The following LRRC4C variants were observed in gnomAD, a reference collection of about 807,000 sequenced individuals.
LRRC4C encodes leucine rich repeat containing 4C.
A neutral mutation model predicts 33.6 loss-of-function variants in LRRC4C; 5 were observed. The observed-to-expected ratio is 0.15, with a 90% CI of 0.08 to 0.31. The LOEUF is 0.31. Among genes scored for constraint, LRRC4C ranks in the 10% least tolerant of loss-of-function variants. LRRC4C has a pLI of 1.00. For synonymous variants in LRRC4C, 329 were observed against 302.0 expected (o/e 1.09, Z -0.93); for missense variants, 560 against 796.7 (o/e 0.70, Z 3.58).
At chr11:40,879,849 T>C (rs187842292) in intron 2 of LRRC4C, among the ~76,000 whole-genome samples, 1 of 152,282 alleles carries the variant, frequency 6.6e-6, no homozygotes, top group African/African-American at 2.4e-5. Flanking sequence ...TATTGTTGAT[T>C]GTATTTTCCA....
chr11:41,205,465 C>T (rs1427541062), intron 1 of LRRC4C, among the ~76,000 whole-genome samples: 1 of 152,084 alleles, frequency 6.6e-6, no homozygotes, highest in Non-Finnish European at 1.5e-5. Context: ...ACCAGATAAA[C>T]AAAGGAGATA....
intron 1 of LRRC4C, among the ~76,000 whole-genome samples, chr11:41,279,879 A>G (rs1433089433): frequency 1.3e-5 from 2 of 151,524 alleles, no homozygotes; most frequent in African/African-American, 2.4e-5. Context: ...ATATTATTAT[A>G]CACTATTATA....
At chr11:40,852,998 G>C (rs994428282) in intron 2 of LRRC4C, among the ~76,000 whole-genome samples, 1 of 152,204 alleles carries the variant, frequency 6.6e-6, no homozygotes, top group African/African-American at 2.4e-5. Flanking sequence ...GTGTCACATA[G>C]AGATGTTTTT....
At chr11:41,071,282 GAAAA>G (rs1419543487) in intron 1 of LRRC4C, among the ~76,000 whole-genome samples, 4 of 151,942 alleles carry the variant, frequency 2.6e-5, no homozygotes, top group African/African-American at 9.7e-5. Context: ...AAAGCATTAG[GAAAA>G]ATACCTAATG....
rs35819704 is a variant in LRRC4C, at chr11:40,423,339, C to CTTTTT, written c.-269-103623_-269-103619dup. Among the ~76,000 whole-genome samples the CTTTTT allele has an allele frequency of 1.0e-3, 95 of 90,932 alleles. 3 individuals carry two copies. Among genetic ancestry groups the CTTTTT allele is most frequent in the East Asian group, 1.7e-3 (5 of 2,878 alleles). The allele number at this position is 90,932 out of a possible 152,430, so 59.7% of individuals were successfully genotyped here. On this transcript the variant is annotated intron_variant, in intron 3 of 6. Transcript: ENST00000528697. ...GAAAAGGAAGTCAGTTGTTCATGTT[C>CTTTTT]TTTTTTTTTTTTTTTTTTTTTTTGA...
At chr11:41,269,494 C>T (rs1173989081) in intron 1 of LRRC4C, among the ~76,000 whole-genome samples, 3 of 151,906 alleles carry the variant, frequency 2.0e-5, no homozygotes, top group Non-Finnish European at 4.4e-5. Context: ...GAGCAAAGAG[C>T]CAATCTAATT....
chr11:40,148,083 GTA>G (rs1379658750), intron 5 of LRRC4C, among the ~76,000 whole-genome samples: 1 of 152,108 alleles, frequency 6.6e-6, no homozygotes, highest in Non-Finnish European at 1.5e-5. Context: ...GTATTCTATG[GTA>G]TATATGTACC....
At chr11:40,881,875 T>C (rs571486846) in intron 2 of LRRC4C, among the ~76,000 whole-genome samples, 3 of 152,234 alleles carry the variant, frequency 2.0e-5, no homozygotes, top group African/African-American at 7.2e-5. Context: ...TCAAATCTTA[T>C]TGAACATGAG....
rs188926987 is a variant in LRRC4C at position 40,594,665 on chromosome 11, A to T, written c.-270+53477T>A. ...GTTTAGCTGAGACCACATATTCAGT[A>T]TTTAACAAAACAGATATGTGAACAC... On this transcript the variant is annotated intron_variant, in intron 3 of 6. Transcript: ENST00000528697. Among the ~76,000 whole-genome samples the T allele has an allele frequency of 8.1e-4, 124 of 152,332 alleles. 1 individual carries two copies. In the Middle Eastern group the frequency reaches 0.014, roughly 17 times the overall value.
At chr11:41,124,692 T>C (rs1283682713) in intron 1 of LRRC4C, among the ~76,000 whole-genome samples, 1 of 152,180 alleles carries the variant, frequency 6.6e-6, no homozygotes, top group East Asian at 1.9e-4. Context: ...ATGTCATTTC[T>C]ACGTTAAAAA....
chr11:40,386,484 A>G (rs1305386489), intron 3 of LRRC4C, among the ~76,000 whole-genome samples: 1 of 152,194 alleles, frequency 6.6e-6, no homozygotes, highest in Non-Finnish European at 1.5e-5. Context: ...AGATTAAATG[A>G]GATAGCTATA....
At chr11:40,622,563 AGAG>A (rs1962556768) in intron 3 of LRRC4C, among the ~76,000 whole-genome samples, 2 of 151,952 alleles carry the variant, frequency 1.3e-5, no homozygotes, top group Non-Finnish European at 2.9e-5. Flanking sequence ...TTCTGAGCTT[AGAG>A]GAGATGTTTT....
intron 2 of LRRC4C, among the ~76,000 whole-genome samples, chr11:40,736,383 C>T (rs557647473): frequency 6.6e-5 from 10 of 151,942 alleles, no homozygotes; most frequent in Admixed American, 3.3e-4. Flanking sequence ...ATGGTGTGTA[C>T]GAGCCACATT....
At chr11:40,962,545 T>C (rs1216371696) in intron 1 of LRRC4C, among the ~76,000 whole-genome samples, 1 of 151,748 alleles carries the variant, frequency 6.6e-6, no homozygotes, top group Non-Finnish European at 1.5e-5. Flanking sequence ...TAAATACGGA[T>C]AAAATCAATA....
intron 3 of LRRC4C, among the ~76,000 whole-genome samples, chr11:40,556,310 AC>A (rs1325878264): frequency 1.3e-5 from 2 of 152,226 alleles, no homozygotes; most frequent in African/African-American, 2.4e-5. Flanking sequence ...TAGCTTTCCT[AC>A]CAAGTTCTGT....
intron 1 of LRRC4C, among the ~76,000 whole-genome samples, chr11:41,148,894 A>G (rs189812675): frequency 2.0e-5 from 3 of 152,294 alleles, no homozygotes; most frequent in African/African-American, 7.2e-5. Flanking sequence ...AGCTATTGTT[A>G]TTAACCAAGA....
At chr11:40,905,425 T>A (rs1050007902) in intron 2 of LRRC4C, among the ~76,000 whole-genome samples, 5 of 150,690 alleles carry the variant, frequency 3.3e-5, no homozygotes, top group Non-Finnish European at 2.9e-5. Context: ...CTTTGAGGCA[T>A]CCTGAAAAGG....
intron 5 of LRRC4C, among the ~76,000 whole-genome samples, chr11:40,236,245 T>A (rs532115592): frequency 2.6e-5 from 4 of 152,278 alleles, no homozygotes; most frequent in Non-Finnish European, 5.9e-5. Flanking sequence ...AAGTCTCAAG[T>A]CAATTATTTC....
intron 3 of LRRC4C, among the ~76,000 whole-genome samples, chr11:40,368,256 A>G (rs1434116342): frequency 6.6e-6 from 1 of 152,200 alleles, no homozygotes; most frequent in Non-Finnish European, 1.5e-5. Flanking sequence ...GGAAGGTTAA[A>G]GATCTTTTCA....
Sources: allele counts gnomAD v4.1 joint callset (sites outside exome capture counted in the v4.1 genomes callset), GRCh38; gene constraint gnomAD v4.1.1; transcripts MANE v1.5; gene names NCBI Gene and HGNC (gene_info 2026-07-23, HGNC 2026-07-21).